SMAP1: variants seen among roughly 807,000 people sequenced by gnomAD.
SMAP1 encodes stromal membrane-associated protein 1.
In SMAP1, 24 loss-of-function variants were observed where a neutral mutation model predicts 58.5. That is an observed-to-expected ratio of 0.41 (90% confidence interval 0.30 to 0.58). SMAP1 has a LOEUF of 0.58. SMAP1 is among the 20% of genes least tolerant of loss of function. SMAP1 has a pLI of 0.29. For missense variants in SMAP1, 563 were observed against 566.3 expected (o/e 0.99, Z 0.06); for synonymous variants, 216 against 196.6 (o/e 1.10, Z -0.82).
chr6:70,740,478 AC>A lies in SMAP1; in HGVS notation c.252+7968del, dbSNP rs1396984677. On this transcript the variant is annotated intron_variant, in intron 2 of 10. Transcript: ENST00000370455. Reference sequence around the variant, plus strand: ...GAGACTCCATCTCAAAAAAAAAAAAACAAAAAAAAAACCCAAGGCCATTTGT... The same window carrying A: ...GAGACTCCATCTCAAAAAAAAAAAAAAAAAAAAAAACCCAAGGCCATTTGT... Among the ~76,000 whole-genome samples the A allele has an allele frequency of 1.4e-3, 114 of 82,538 alleles. 1 individual carries two copies. Among genetic ancestry groups the A allele is most frequent in the African/African-American group, 7.5e-3 (104 of 13,818 alleles). 54.1% of individuals were successfully genotyped at this position (82,538 alleles called of 152,430 possible).
intron 7 of SMAP1, among the ~76,000 whole-genome samples, chr6:70,851,287 C>G (rs1351931344): frequency 6.6e-6 from 1 of 152,048 alleles, no homozygotes; most frequent in Admixed American, 6.5e-5. Context: ...TAAAAGATAC[C>G]AATTTCTCTA....
At chr6:70,671,012 C>T (rs1016773374) in intron 1 of SMAP1, among the ~76,000 whole-genome samples, 1 of 152,174 alleles carries the variant, frequency 6.6e-6, no homozygotes, top group Non-Finnish European at 1.5e-5. Context: ...TGGAACTACT[C>T]CTCCTCTCTC....
Position 70,861,671 on chromosome 6 carries a change from C to T in SMAP1, c.*1337C>T. ...CCAGTTGCTGCTTCAATTTATACCT[C>T]AATTTTCACTGTGTCCAGGTGGTAC... On this transcript the variant is annotated 3_prime_UTR_variant, in exon 11 of 11. Coordinates refer to ENST00000370455, the MANE Select transcript of SMAP1 (RefSeq NM_001044305.3). 1 of 1,613,502 alleles carries T rather than the reference C, an allele frequency of 6.2e-7. No homozygotes were observed. Among genetic ancestry groups the T allele is most frequent in the Non-Finnish European group, 8.5e-7 (1 of 1,179,486 alleles).
intron 6 of SMAP1, among the ~76,000 whole-genome samples, chr6:70,834,227 T>C (rs1055573426): frequency 2.6e-5 from 4 of 152,200 alleles, no homozygotes; most frequent in Admixed American, 6.5e-5. Context: ...AACAAGAGTT[T>C]CTATTTGAAT....
At chr6:70,794,149 T>C (rs1768494925) in intron 5 of SMAP1, among the ~76,000 whole-genome samples, 1 of 152,266 alleles carries the variant, frequency 6.6e-6, no homozygotes, top group African/African-American at 2.4e-5. Context: ...GGAGGTCAGC[T>C]GTTTCACTAC....
chr6:70,797,907 T>C (rs964019888), intron 5 of SMAP1, among the ~76,000 whole-genome samples: 1 of 152,120 alleles, frequency 6.6e-6, no homozygotes, highest in Non-Finnish European at 1.5e-5. Flanking sequence ...TTACGAATGC[T>C]CTTTGTTTAA....
chr6:70,777,110 A>T (rs1158805999), intron 4 of SMAP1, among the ~76,000 whole-genome samples: 3 of 152,212 alleles, frequency 2.0e-5, no homozygotes, highest in Non-Finnish European at 4.4e-5. Flanking sequence ...CACCAACAGT[A>T]TCTAAGAGTT....
At chr6:70,726,232 C>T (rs1167302574) in intron 1 of SMAP1, among the ~76,000 whole-genome samples, 1 of 152,182 alleles carries the variant, frequency 6.6e-6, no homozygotes, top group Non-Finnish European at 1.5e-5. Flanking sequence ...GTAGTTTCCT[C>T]TAAAAATGCT....
Position 70,689,234 on chromosome 6 carries a change from C to T in SMAP1, c.118+21093C>T, listed in dbSNP as rs369175741. On this transcript the variant is annotated intron_variant, in intron 1 of 10. Coordinates refer to ENST00000370455, the MANE Select transcript of SMAP1 (RefSeq NM_001044305.3). ...ATGTTGGCAGGGCTGGTCTTGAACT[C>T]CCGACCTCAGGTGATCCACCCGCCT... 1.5e-3 allele frequency among the ~76,000 whole-genome samples: 222 copies of T among 152,286 alleles called. 1 individual carries two copies. Among genetic ancestry groups the T allele is most frequent in the Middle Eastern group, 6.8e-3 (2 of 294 alleles).
At chr6:70,733,927 T>C (rs1765524150) in intron 2 of SMAP1, among the ~76,000 whole-genome samples, 1 of 151,958 alleles carries the variant, frequency 6.6e-6, no homozygotes, top group Non-Finnish European at 1.5e-5. Context: ...TAGCTTAGAG[T>C]AGAATTTTGT....
intron 7 of SMAP1, 99 bp from the exon 8 acceptor site, chr6:70,852,440 TG>T: frequency 8.4e-7 from 1 of 1,195,376 alleles, no homozygotes; most frequent in Non-Finnish European, 1.1e-6. Flanking sequence ...ACTTTTGAAC[TG>T]TTCTTTTTTT....
Position 70,860,258 on chromosome 6 carries a change from G to T in SMAP1, c.1328G>T (p.Gly443Val), listed in dbSNP as rs1213309788. Residue 443 changes from glycine (G) to valine (V), a missense_variant, in exon 11 of 11, where the codon GGC (glycine) becomes GTC (valine). Transcript: ENST00000370455. Reference sequence around the variant, plus strand: ...AGTGCAACCCCTACTGCAGGTTTTGGCCAGCCCTCCAGCACAACAGCAGGA... The same window carrying T: ...AGTGCAACCCCTACTGCAGGTTTTGTCCAGCCCTCCAGCACAACAGCAGGA... ...ISSATPTAGF[G>V]QPSSTTAGWS... The T allele has an allele frequency of 1.2e-6, 2 of 1,613,674 alleles. No homozygotes were observed. The highest frequency in any genetic ancestry group is 8.5e-7 in the Non-Finnish European group (1 of 1,179,834).
At chr6:70,747,302 A>C (rs185760205) in intron 2 of SMAP1, among the ~76,000 whole-genome samples, 2 of 152,332 alleles carry the variant, frequency 1.3e-5, no homozygotes, top group African/African-American at 4.8e-5. Context: ...CACTGAACGC[A>C]TACCACAATG....
intron 1 of SMAP1, among the ~76,000 whole-genome samples, chr6:70,726,962 A>G (rs983971010): frequency 1.3e-5 from 2 of 151,552 alleles, no homozygotes; most frequent in Admixed American, 1.3e-4. Flanking sequence ...GTCATCAGGT[A>G]CTGCAATGTT....
intron 6 of SMAP1, among the ~76,000 whole-genome samples, chr6:70,801,206 C>T (rs557999982): frequency 3.5e-4 from 53 of 152,252 alleles, no homozygotes; most frequent in East Asian, 5.8e-4. Flanking sequence ...TTAATGATCG[C>T]GATTCTACCT....
At chr6:70,800,418 CAT>C (rs1768794180) in intron 6 of SMAP1, among the ~76,000 whole-genome samples, 1 of 152,136 alleles carries the variant, frequency 6.6e-6, no homozygotes, top group Non-Finnish European at 1.5e-5. Flanking sequence ...TCTCTATACA[CAT>C]ATACATAATG....
chr6:70,800,145 G>C (rs1768781955), intron 6 of SMAP1, among the ~76,000 whole-genome samples: 1 of 152,024 alleles, frequency 6.6e-6, no homozygotes, highest in Non-Finnish European at 1.5e-5. Context: ...AATGGGGTGT[G>C]ATGGTGCACC....
At chr6:70,668,388 G>T in intron 1 of SMAP1, 1 of 913,722 alleles carries the variant, frequency 1.1e-6, no homozygotes, top group Non-Finnish European at 1.6e-6. Context: ...TCCCAGACAC[G>T]GGTTTGAGCA....
At chr6:70,703,819 A>G (rs993135820) in intron 1 of SMAP1, among the ~76,000 whole-genome samples, 4 of 152,182 alleles carry the variant, frequency 2.6e-5, no homozygotes, top group African/African-American at 7.2e-5. Flanking sequence ...GTGAACTCCT[A>G]GATCCATTTC....
Sources: allele counts gnomAD v4.1 joint callset (sites outside exome capture counted in the v4.1 genomes callset), GRCh38; gene constraint gnomAD v4.1.1; transcripts MANE v1.5; gene names NCBI Gene and HGNC (gene_info 2026-07-23, HGNC 2026-07-21).